ADAMTS3: variants seen among roughly 807,000 people sequenced by gnomAD.
The protein encoded by ADAMTS3 is A disintegrin and metalloproteinase with thrombospondin motifs 3.
A neutral mutation model predicts 129.0 loss-of-function variants in ADAMTS3; 73 were observed. That is an observed-to-expected ratio of 0.57 (90% CI 0.47 to 0.69). The LOEUF is 0.69. ADAMTS3 is among the 30% of genes least tolerant of loss of function. The pLI is 0.00. For synonymous variants in ADAMTS3, 477 were observed against 510.8 expected, an observed-to-expected ratio of 0.93 and a Z score of 0.89; for missense variants, 1,457 against 1,514.5, an observed-to-expected ratio of 0.96 and a Z score of 0.63.
At chr4:72,353,964 C>G (rs1578608293) in intron 4 of ADAMTS3, among the ~76,000 whole-genome samples, 1 of 152,032 alleles carries the variant, frequency 6.6e-6, no homozygotes, top group East Asian at 1.9e-4. Context: ...TGCTTCCAAT[C>G]TGGCCTGTAC....
chr4:72,513,219 C>G (rs1445443557), intron 3 of ADAMTS3, among the ~76,000 whole-genome samples: 1 of 152,120 alleles, frequency 6.6e-6, no homozygotes, highest in African/African-American at 2.4e-5. Context: ...TCTACTTTAC[C>G]TATTCTATTT....
chr4:72,416,491 C>T lies in ADAMTS3; in HGVS notation c.505-1520G>A, dbSNP rs1204678762. 2.0e-5 allele frequency among the ~76,000 whole-genome samples: 3 copies of T among 152,104 alleles called. No homozygotes were observed. The East Asian group carries it at 5.8e-4, about 29-fold the overall frequency. On this transcript the variant is annotated intron_variant, in intron 3 of 21. Transcript: ENST00000286657. Reference sequence around the variant, plus strand: ...TCTTCTACTATTCTTGGCCCATACCCTCTGGAACAAACCTCTAGCTTTCAC... The same window carrying T: ...TCTTCTACTATTCTTGGCCCATACCTTCTGGAACAAACCTCTAGCTTTCAC...
chr4:72,311,737 T>G (rs925792267), intron 13 of ADAMTS3, among the ~76,000 whole-genome samples: 1 of 152,148 alleles, frequency 6.6e-6, no homozygotes, highest in Non-Finnish European at 1.5e-5. Flanking sequence ...CTATTTCCTT[T>G]CATTCACTCA....
intron 4 of ADAMTS3, among the ~76,000 whole-genome samples, chr4:72,358,118 G>A (rs2109851793): frequency 6.6e-6 from 1 of 151,998 alleles, no homozygotes; most frequent in African/African-American, 2.4e-5. Flanking sequence ...AGCCTCACTG[G>A]AGTACACAGG....
At chr4:72,337,673 C>G (rs1358149258) in intron 5 of ADAMTS3, among the ~76,000 whole-genome samples, 4 of 152,106 alleles carry the variant, frequency 2.6e-5, no homozygotes, top group East Asian at 1.9e-4. Flanking sequence ...CAATTTAATA[C>G]TTTTATCACT....
intron 3 of ADAMTS3, among the ~76,000 whole-genome samples, chr4:72,461,218 TAAAAATATGAAATA>T (rs1193183249): frequency 5.9e-5 from 9 of 151,526 alleles, no homozygotes. Context: ...TACTAGTATA[TAAAAATATGAAATA>T]AAAAATATGA....
chr4:72,496,601 G>C (rs181033621), intron 3 of ADAMTS3, among the ~76,000 whole-genome samples: 1 of 152,112 alleles, frequency 6.6e-6, no homozygotes, highest in East Asian at 1.9e-4. Flanking sequence ...AGATTTTCCA[G>C]CCCACCAGGA....
At chr4:72,532,179 G>C (rs1202362962) in intron 3 of ADAMTS3, among the ~76,000 whole-genome samples, 1 of 152,070 alleles carries the variant, frequency 6.6e-6, no homozygotes, top group Non-Finnish European at 1.5e-5. Flanking sequence ...CAGTAACTGA[G>C]AGCATGACAG....
At chr4:72,456,187 T>A (rs1431014693) in intron 3 of ADAMTS3, among the ~76,000 whole-genome samples, 33 of 126,060 alleles carry the variant, frequency 2.6e-4, no homozygotes, top group East Asian at 7.0e-4. Context: ...CTATATATAT[T>A]TTATATATAG....
chr4:72,479,679 A>C (rs1719368404), intron 3 of ADAMTS3, among the ~76,000 whole-genome samples: 1 of 151,900 alleles, frequency 6.6e-6, no homozygotes, highest in South Asian at 2.1e-4. Flanking sequence ...GCAACAAAAG[A>C]CAAAATTAAC....
intron 5 of ADAMTS3, among the ~76,000 whole-genome samples, chr4:72,334,631 C>T (rs1719943139): frequency 6.6e-6 from 1 of 152,054 alleles, no homozygotes; most frequent in Non-Finnish European, 1.5e-5. Context: ...ATTGCCAATA[C>T]CTAAAATAGG....
At chr4:72,416,504 C>G (rs1722309315) in intron 3 of ADAMTS3, among the ~76,000 whole-genome samples, 1 of 152,096 alleles carries the variant, frequency 6.6e-6, no homozygotes, top group Admixed American at 6.5e-5. Flanking sequence ...TGGAACAAAC[C>G]TCTAGCTTTC....
At chr4:72,539,039 T>G (rs1721250736) in intron 3 of ADAMTS3, among the ~76,000 whole-genome samples, 1 of 151,826 alleles carries the variant, frequency 6.6e-6, no homozygotes, top group Non-Finnish European at 1.5e-5. Flanking sequence ...GACCTAAATA[T>G]AAGACATAAA....
intron 3 of ADAMTS3, among the ~76,000 whole-genome samples, chr4:72,478,027 A>C (rs998639827): frequency 2.0e-5 from 3 of 152,212 alleles, no homozygotes. Context: ...AAATAACAAG[A>C]TCTGAAATTG....
chr4:72,289,369 C>CTGA (rs1718599805), intron 20 of ADAMTS3, among the ~76,000 whole-genome samples: 1 of 152,170 alleles, frequency 6.6e-6, no homozygotes, highest in Non-Finnish European at 1.5e-5. Context: ...GCAGAATTTA[C>CTGA]TGATAAGTTG....
intron 14 of ADAMTS3, 76 bp downstream of exon 14, chr4:72,310,972 A>C: frequency 7.4e-7 from 1 of 1,352,054 alleles, no homozygotes; most frequent in Non-Finnish European, 9.9e-7. Flanking sequence ...ATAGTTTAAA[A>C]AATTAAAAAT....
At chr4:72,425,461 T>A (rs1043260615) in intron 3 of ADAMTS3, among the ~76,000 whole-genome samples, 1 of 152,074 alleles carries the variant, frequency 6.6e-6, no homozygotes, top group Admixed American at 6.6e-5. Flanking sequence ...ATTAGGTATA[T>A]CTCCTAATGC....
chr4:72,527,958 G>A (rs1057130957), intron 3 of ADAMTS3, among the ~76,000 whole-genome samples: 21 of 152,128 alleles, frequency 1.4e-4, no homozygotes, highest in African/African-American at 4.8e-4. Context: ...TACCACATGA[G>A]ATGTAGTGCC....
At position 72,548,550 on chromosome 4, in the gene ADAMTS3, A is replaced by C; in HGVS notation, c.432T>G (p.Thr144=). The change falls in exon 3 of 22, where the codon ACT becomes ACG. Residue 144 remains threonine, a synonymous_variant. Transcript: ENST00000286657. ...CGATGTCACCAACATAAGCACAGTT[A>C]GTCTGCAAAGGCTCTGTTCTCCGGA... ...YRIRRTEPLQ[T]NCAYVGDIVD... is the part of the protein sequence containing the mutation. 6.2e-7 allele frequency: 1 copy of C among 1,613,954 alleles called. No homozygotes were observed. The highest frequency in any genetic ancestry group is 8.5e-7 in the Non-Finnish European group (1 of 1,179,884).
Sources: allele counts gnomAD v4.1 joint callset (sites outside exome capture counted in the v4.1 genomes callset), GRCh38; gene constraint gnomAD v4.1.1; transcripts MANE v1.5; gene names NCBI Gene and HGNC (gene_info 2026-07-23, HGNC 2026-07-21).